Variants in ANKS1B observed in about 807,000 individuals in gnomAD.
ANKS1B encodes the protein ankyrin repeat and sterile alpha motif domain containing 1B.
A neutral mutation model predicts 148.3 loss-of-function variants in ANKS1B; 36 were observed. That is an observed-to-expected ratio of 0.24 (90% CI 0.19 to 0.32). The LOEUF is 0.32. Among genes scored for constraint, ANKS1B ranks in the 10% least tolerant of loss-of-function variants. The probability of loss-of-function intolerance (pLI) is 1.00; values close to 1 mark genes in which losing one functional copy is unlikely to be tolerated. For synonymous variants in ANKS1B, 542 were observed against 560.8 expected, an observed-to-expected ratio of 0.97 and a Z score of 0.47; for missense variants, 1,157 against 1,542.6, an observed-to-expected ratio of 0.75 and a Z score of 4.19.
At chr12:98,735,263 A>G (rs1162703232) in exon 10 of ANKS1B, 3 of 399,640 alleles carry the variant, frequency 7.5e-6, no homozygotes, top group African/African-American at 4.1e-5. Context: ...TATAAATTAC[A>G]TTGGACTTCA....
chr12:98,861,156 T>C (rs1304618671), intron 17 of ANKS1B, among the ~76,000 whole-genome samples: 2 of 152,154 alleles, frequency 1.3e-5, no homozygotes. Context: ...TAAGACAGCT[T>C]CCCCTTCGGA....
intron 25 of ANKS1B, among the ~76,000 whole-genome samples, chr12:98,764,605 A>C (rs561521878): frequency 6.6e-6 from 1 of 152,368 alleles, no homozygotes; most frequent in East Asian, 1.9e-4. Flanking sequence ...CTTGTTGTTT[A>C]AATCTTTCTC....
At chr12:99,640,651 T>C (rs1015399892) in intron 9 of ANKS1B, among the ~76,000 whole-genome samples, 87 of 152,304 alleles carry the variant, frequency 5.7e-4, no homozygotes, top group African/African-American at 2.0e-3. Context: ...CTTTTCTTTA[T>C]AAATTATCCA....
chr12:99,052,404 G>C (rs2099966688), intron 17 of ANKS1B, among the ~76,000 whole-genome samples: 1 of 152,210 alleles, frequency 6.6e-6, no homozygotes, highest in Non-Finnish European at 1.5e-5. Flanking sequence ...CAGTCTCTTG[G>C]AGTGTGGGAT....
intron 8 of ANKS1B, among the ~76,000 whole-genome samples, chr12:99,708,255 C>A (rs1025516112): frequency 4.6e-5 from 7 of 152,026 alleles, no homozygotes; most frequent in Admixed American, 2.0e-4. Context: ...CTTTAATGAC[C>A]CGATGTCATG....
chr12:99,486,594 G>A (rs991804843), intron 10 of ANKS1B, among the ~76,000 whole-genome samples: 3 of 152,104 alleles, frequency 2.0e-5, no homozygotes, highest in African/African-American at 7.2e-5. Context: ...AAGCAAGTAG[G>A]TAAATGCAAT....
chr12:98,780,848 AGAAAGCATCATGACAAAGT>A (rs1434977426), intron 24 of ANKS1B, among the ~76,000 whole-genome samples: 1 of 152,208 alleles, frequency 6.6e-6, no homozygotes, highest in Non-Finnish European at 1.5e-5. Flanking sequence ...AGTCTATTAG[AGAAAGCATCATGACAAAGT>A]GAAAGCACAA....
At chr12:99,559,216 T>C (rs886918998) in intron 9 of ANKS1B, among the ~76,000 whole-genome samples, 4 of 152,170 alleles carry the variant, frequency 2.6e-5, no homozygotes, top group African/African-American at 9.7e-5. Context: ...CCTAGTTGCA[T>C]CTAGTTGGCC....
intron 14 of ANKS1B, among the ~76,000 whole-genome samples, chr12:99,167,253 A>G (rs779371980): frequency 1.1e-4 from 17 of 152,060 alleles, no homozygotes; most frequent in African/African-American, 4.8e-5. Flanking sequence ...AACAACTAAA[A>G]TTTTCAGACT....
intron 12 of ANKS1B, among the ~76,000 whole-genome samples, chr12:99,398,697 T>C (rs1258368778): frequency 1.3e-5 from 2 of 152,130 alleles, no homozygotes; most frequent in Non-Finnish European, 2.9e-5. Context: ...ATCTAATAGC[T>C]ACTGAAACAA....
chr12:98,747,205 T>A, intron 26 of ANKS1B, among the ~76,000 whole-genome samples: 1 of 151,934 alleles, frequency 6.6e-6, no homozygotes, highest in South Asian at 2.1e-4. Context: ...AATAAGGGAC[T>A]CAAATAACTC....
chr12:98,905,591 G>A (rs749994836), intron 17 of ANKS1B, among the ~76,000 whole-genome samples: 42 of 152,120 alleles, frequency 2.8e-4, no homozygotes, highest in Non-Finnish European at 4.6e-4. Flanking sequence ...ACAACATAGC[G>A]AGACCCCATA....
chr12:99,646,595 A>G (rs556015263), intron 9 of ANKS1B, among the ~76,000 whole-genome samples: 2 of 139,282 alleles, frequency 1.4e-5, no homozygotes, highest in South Asian at 5.0e-4. Flanking sequence ...CGGAGGTTGC[A>G]GTGAGCCAAG....
intron 1 of ANKS1B, among the ~76,000 whole-genome samples, chr12:99,922,657 G>C (rs1340409256): frequency 2.0e-5 from 3 of 152,088 alleles, no homozygotes; most frequent in Non-Finnish European, 4.4e-5. Flanking sequence ...ATTATGTTAT[G>C]ATGTAAACTA....
At chr12:99,112,670 A>C (rs1034500275) in intron 15 of ANKS1B, among the ~76,000 whole-genome samples, 1 of 152,154 alleles carries the variant, frequency 6.6e-6, no homozygotes, top group Non-Finnish European at 1.5e-5. Context: ...GTTGCTTGTT[A>C]AACTGAACTC....
chr12:99,427,406 C>T (rs749049346), intron 11 of ANKS1B, among the ~76,000 whole-genome samples: 4 of 152,170 alleles, frequency 2.6e-5, no homozygotes, highest in Non-Finnish European at 5.9e-5. Flanking sequence ...ATTGCTATTT[C>T]ATTTCCCTGC....
intron 12 of ANKS1B, among the ~76,000 whole-genome samples, chr12:99,310,294 TA>T (rs1414338886): frequency 6.6e-6 from 1 of 152,164 alleles, no homozygotes; most frequent in African/African-American, 2.4e-5. Flanking sequence ...TAGTGATGAT[TA>T]ATTTTACATG....
chr12:98,782,251 A>AACAAAAGATGCC, intron 22 of ANKS1B, 114 bp from the exon 23 acceptor site: 1 of 890,632 alleles, frequency 1.1e-6, no homozygotes, highest in East Asian at 2.6e-5. Context: ...TTCATTAAAA[A>AACAAAAGATGCC]ACAAAAGATG....
intron 9 of ANKS1B, among the ~76,000 whole-genome samples, chr12:99,523,551 C>CTTTTTTT (rs71088130): frequency 5.0e-5 from 6 of 119,640 alleles, no homozygotes; most frequent in African/African-American, 2.0e-4. Flanking sequence ...AAGGCATCTT[C>CTTTTTTT]TTTTTTTTTT....
Sources: allele counts gnomAD v4.1 joint callset (sites outside exome capture counted in the v4.1 genomes callset), GRCh38; gene constraint gnomAD v4.1.1; transcripts MANE v1.5; gene names NCBI Gene and HGNC (gene_info 2026-07-23, HGNC 2026-07-21).